RHOH: variants seen among roughly 807,000 people sequenced by gnomAD.
RHOH encodes the protein ras homolog family member H.
RHOH carries 6 observed loss-of-function variants against 13.8 expected under a neutral mutation model. The observed-to-expected ratio is 0.44, with a 90% CI of 0.24 to 0.86. The LOEUF (loss-of-function observed/expected upper bound fraction) is 0.86. Ranked by LOEUF, RHOH falls within the 40% of genes least tolerant of loss-of-function variation. The pLI, the probability that RHOH is intolerant of heterozygous loss-of-function variation, is 0.24. For missense variants in RHOH, 147 were observed against 244.5 expected (o/e 0.60, Z 2.66); for synonymous variants, 117 against 103.0 (o/e 1.14, Z -0.82).
chr4:40,238,942 G>C (rs1284544177), intron 1 of RHOH, among the ~76,000 whole-genome samples: 1 of 152,042 alleles, frequency 6.6e-6, no homozygotes, highest in Admixed American at 6.6e-5. Context: ...TGTAACCCGC[G>C]GCAGCTCACT....
intron 1 of RHOH, among the ~76,000 whole-genome samples, chr4:40,239,424 G>A (rs771749751): frequency 6.6e-6 from 1 of 152,152 alleles, no homozygotes; most frequent in African/African-American, 2.4e-5. Context: ...ACCCTTTGCT[G>A]GAGAAACCTC....
In RHOH at chr4:40,246,453, G is replaced by GT. The variant is rs879932642; in HGVS notation, c.*2491_*2492insT. 0.47 allele frequency: 70,882 copies of GT among 151,496 alleles called. 18,492 individuals carry two copies. Among genetic ancestry groups the GT allele is most frequent in the Non-Finnish European group, 0.59 (39,633 of 67,642 alleles). The allele number at this position is 151,496 out of a possible 1,614,324, so 9.4% of individuals were successfully genotyped here. A position where few individuals can be genotyped will look rare whatever the true frequency, so the allele number is the denominator to read the frequency against. On this transcript the variant is annotated 3_prime_UTR_variant, in exon 3 of 3. Transcript: ENST00000381799. ...ACAGGTGAGACCTCCACCTGTTGGCGGGAGCCAAGCTTAACAGCTCCGTCT... is the reference window on the plus strand; with the variant it reads ...ACAGGTGAGACCTCCACCTGTTGGCGTGGAGCCAAGCTTAACAGCTCCGTCT...
chr4:40,202,843 G>A (rs1490979005), intron 1 of RHOH, among the ~76,000 whole-genome samples: 2 of 152,106 alleles, frequency 1.3e-5, no homozygotes, highest in Non-Finnish European at 2.9e-5. Context: ...GATCTCAGAG[G>A]TGAACAACAT....
At chr4:40,229,145 C>T (rs1579307608) in intron 1 of RHOH, among the ~76,000 whole-genome samples, 1 of 152,120 alleles carries the variant, frequency 6.6e-6, no homozygotes, top group Non-Finnish European at 1.5e-5. Context: ...TCTGGGAATC[C>T]TTACCCAGGA....
chr4:40,234,689 ACTG>A (rs2109533038), intron 1 of RHOH, among the ~76,000 whole-genome samples: 1 of 151,476 alleles, frequency 6.6e-6, no homozygotes, highest in African/African-American at 2.4e-5. Context: ...GAACATAAAT[ACTG>A]CTTAACATTT....
At chr4:40,213,217 G>A (rs960848384) in intron 1 of RHOH, among the ~76,000 whole-genome samples, 7 of 151,924 alleles carry the variant, frequency 4.6e-5, no homozygotes, top group African/African-American at 9.7e-5. Flanking sequence ...TGTGAACAAC[G>A]GTGCAAAAAA....
In RHOH at chr4:40,243,901, A is replaced by T; in HGVS notation, c.515A>T (p.Asn172Ile). 6.2e-7 allele frequency: 1 copy of T among 1,614,186 alleles called. No individual in the cohort carries two copies. The highest frequency in any genetic ancestry group is 8.5e-7 in the Non-Finnish European group (1 of 1,180,006). The change falls in exon 3 of 3, where the codon AAC (asparagine) becomes ATC (isoleucine). Residue 172 changes from asparagine to isoleucine, a missense_variant. Transcript: ENST00000381799. This position sits in a 1 kb window ranked among gnomAD's most constrained non-coding sequence, Gnocchi z 6.2. ...GAGTGCGCCGTCCGAACTGCCGTCA[A>T]CCAGGCCAGGAGACGAAACAGAAGG... ...VFECAVRTAVNQARRRNRRRL... is the reference protein window; with the variant it reads ...VFECAVRTAVIQARRRNRRRL...
intron 1 of RHOH, among the ~76,000 whole-genome samples, chr4:40,202,881 T>C (rs925223648): frequency 6.6e-6 from 1 of 152,046 alleles, no homozygotes; most frequent in African/African-American, 2.4e-5. Flanking sequence ...CATTTTGACC[T>C]GAAAAAAATA....
chr4:40,228,609 G>A lies in RHOH; in HGVS notation c.-330-14105G>A, dbSNP rs562469838. On this transcript the variant is annotated intron_variant, in intron 1 of 2. Coordinates refer to ENST00000381799, the MANE Select transcript of RHOH (RefSeq NM_004310.5). ...AGATGTGATGGTTTTCTTAGTCAGA[G>A]ATGGTGCTTTACAGCTGGGAAGTAT... 7.9e-5 allele frequency among the ~76,000 whole-genome samples: 12 copies of A among 152,276 alleles called. No individual in the cohort carries two copies. The South Asian group carries it at 1.7e-3, about 21-fold the overall frequency.
chr4:40,213,382 C>G (rs537158591), intron 1 of RHOH, among the ~76,000 whole-genome samples: 1 of 149,932 alleles, frequency 6.7e-6, no homozygotes, highest in Non-Finnish European at 1.5e-5. Flanking sequence ...TTCTCTCTCT[C>G]TCTCTCTCAC....
chr4:40,218,572 G>T lies in RHOH; in HGVS notation c.-331+21272G>T, dbSNP rs540305971. On this transcript the variant is annotated intron_variant, in intron 1 of 2. Transcript: ENST00000381799. The surrounding 1 kb of genome is among the most constrained non-coding windows in gnomAD (Gnocchi z 4.1). ...GGTAAGGCTAGGGAAGTCAAGGAAG[G>T]CATGAGGAACAGCTTGGGAGGGGAA... is the stretch of plus-strand genomic sequence containing the variant. Among the ~76,000 whole-genome samples, 4 of 152,308 alleles carry T rather than the reference G, an allele frequency of 2.6e-5. No homozygotes were observed. In the East Asian group the frequency reaches 7.7e-4, roughly 29 times the overall value.
At chr4:40,238,681 G>C (rs1728877852) in intron 1 of RHOH, among the ~76,000 whole-genome samples, 1 of 152,192 alleles carries the variant, frequency 6.6e-6, no homozygotes. Context: ...AGGCTCTGGA[G>C]GTGAAGGCTC....
At chr4:40,230,578 CCCCA>C (rs1262002979) in intron 1 of RHOH, among the ~76,000 whole-genome samples, 3 of 149,398 alleles carry the variant, frequency 2.0e-5, no homozygotes, top group Non-Finnish European at 1.5e-5. Flanking sequence ...CATGGCAAAA[CCCCA>C]TCTCTACTAA....
upstream of RHOH, among the ~76,000 whole-genome samples, chr4:40,194,582 C>T (rs571394295): frequency 1.1e-4 from 16 of 152,042 alleles, no homozygotes; most frequent in African/African-American, 2.7e-4. Context: ...CGCTATGTTG[C>T]TCAGGCTGGT....
At chr4:40,230,534 C>T (rs1337019821) in intron 1 of RHOH, among the ~76,000 whole-genome samples, 4 of 150,416 alleles carry the variant, frequency 2.7e-5, no homozygotes, top group Non-Finnish European at 3.0e-5. Context: ...GATGGGGTTT[C>T]GCCATGTTGC....
chr4:40,213,772 T>A (rs1725562246), intron 1 of RHOH, among the ~76,000 whole-genome samples: 1 of 152,142 alleles, frequency 6.6e-6, no homozygotes, highest in Admixed American at 6.5e-5. Context: ...TTTTCTTTTT[T>A]GTTGAGATAG....
At chr4:40,225,358 T>A (rs1250652123) in intron 1 of RHOH, among the ~76,000 whole-genome samples, 1 of 152,092 alleles carries the variant, frequency 6.6e-6, no homozygotes, top group Non-Finnish European at 1.5e-5. Flanking sequence ...AGTTCTGGGA[T>A]TATAGATGTC....
rs117510846 is a variant in RHOH at position 40,222,414 on chromosome 4, A to T, written c.-330-20300A>T. 4.9e-3 allele frequency among the ~76,000 whole-genome samples: 752 copies of T among 152,366 alleles called. 20 individuals are homozygous for T. The highest frequency in any genetic ancestry group is 0.042 in the South Asian group (204 of 4,830). The stretch of plus-strand genomic sequence containing the variant: ...CTAATGCAGCTGGTTGCTTTAAGGT[A>T]AAGCCAGTACTCATTTACCATTCCA... On this transcript the variant is annotated intron_variant, in intron 1 of 2. Transcript: ENST00000381799.
chr4:40,243,875 T>C lies in RHOH; in HGVS notation c.489T>C (p.Phe163=), dbSNP rs1160931074. 3 of 1,614,170 alleles carry C rather than the reference T, an allele frequency of 1.9e-6. No homozygotes were observed. The South Asian group carries it at 3.3e-5, about 18-fold the overall frequency. Residue 163 remains phenylalanine, a synonymous_variant, in exon 3 of 3, where the codon TTT becomes TTC. Transcript: ENST00000381799. This position sits in a 1 kb window ranked among gnomAD's most constrained non-coding sequence, Gnocchi z 6.2. ...ALSNRGVQQV[F]ECAVRTAVNQ... is the part of the protein sequence containing the mutation. ...GCAATCGGGGAGTACAGCAGGTGTTTGAGTGCGCCGTCCGAACTGCCGTCA... is the reference window on the plus strand; with the variant it reads ...GCAATCGGGGAGTACAGCAGGTGTTCGAGTGCGCCGTCCGAACTGCCGTCA...
Sources: gnomAD v4.1 joint callset for allele counts (sites outside exome capture counted in the v4.1 genomes callset) on GRCh38, gnomAD v4.1.1 for gene constraint, Gnocchi (gnomAD v3.1) non-coding constraint, MANE v1.5 for transcripts, NCBI Gene and HGNC (gene_info 2026-07-23, HGNC 2026-07-21) for gene names.